Variants in LRP2 observed in about 807,000 individuals in gnomAD.
LRP2 encodes the protein low-density lipoprotein receptor-related protein 2.
A neutral mutation model predicts 531.0 loss-of-function variants in LRP2; 172 were observed. The observed-to-expected ratio is 0.32, with a 90% CI of 0.29 to 0.37. The LOEUF is 0.37. Among genes scored for constraint, LRP2 ranks in the 10% least tolerant of loss-of-function variants. LRP2 has a pLI of 1.00. For missense variants in LRP2, 5,167 were observed against 5,868.3 expected, an observed-to-expected ratio of 0.88 and a Z score of 3.90; for synonymous variants, 1,992 against 2,027.6, an observed-to-expected ratio of 0.98 and a Z score of 0.47.
Position 169,294,728 on chromosome 2 carries a change from A to G in LRP2, c.428-18T>C. ...TGGGTACTCTATTGTAAAAAAAAAAAAAAAAAAAAAAAGGAAAAGGAAACA... is the reference window on the plus strand; with the variant it reads ...TGGGTACTCTATTGTAAAAAAAAAAGAAAAAAAAAAAAGGAAAAGGAAACA... On this transcript the variant is annotated intron_variant, in intron 4 of 78. Transcript: ENST00000649046. The G allele has an allele frequency of 6.7e-7, 1 of 1,490,012 alleles. No homozygotes were observed. Among genetic ancestry groups the G allele is most frequent in the Non-Finnish European group, 9.3e-7 (1 of 1,081,064 alleles). The allele number at this position is 1,490,012 out of a possible 1,614,324, so 92.3% of individuals were successfully genotyped here.
intron 4 of LRP2, among the ~76,000 whole-genome samples, chr2:169,298,972 C>T (rs1048724407): frequency 4.6e-5 from 7 of 151,160 alleles, no homozygotes; most frequent in Admixed American, 2.6e-4. Flanking sequence ...AGAAGCATAT[C>T]CTTCCCCAGT....
In LRP2 at chr2:169,185,543, G is replaced by T; in HGVS notation, c.9805C>A (p.Leu3269Ile). 2 of 1,613,796 alleles carry T rather than the reference G, an allele frequency of 1.2e-6. No individual in the cohort carries two copies. Among genetic ancestry groups the T allele is most frequent in the Non-Finnish European group, 8.5e-7 (1 of 1,180,012 alleles). ...TNKETIINHR[L>I]PAAESLAVDW... ...ACAGCCAGACTTTCTGCAGCTGGTA[G>T]TCTGTGGTTTATGATTGTCTCCTTG... is the stretch of plus-strand genomic sequence containing the variant. Residue 3269 changes from leucine to isoleucine, a missense_variant, in exon 50 of 79, where the codon CTA (leucine) becomes ATA (isoleucine). Physicochemically the swap from Leu to Ile is conservative, Grantham distance 5. This residue lies in a region of LRP2 where 1,129 missense variants were observed against 1,362.7 expected (regional missense o/e 0.83). Transcript: ENST00000649046.
rs756145696 is a variant in LRP2 at position 169,137,499 on chromosome 2, G to T, written c.13519-6C>A. 6 of 1,523,680 alleles carry T rather than the reference G, an allele frequency of 3.9e-6. No homozygotes were observed. In the East Asian group the frequency reaches 1.1e-4, roughly 29 times the overall value. The allele number at this position is 1,523,680 out of a possible 1,614,324, so 94.4% of individuals were successfully genotyped here. On this transcript the variant is annotated splice_polypyrimidine_tract_variant and splice_region_variant and intron_variant, in intron 75 of 78. Coordinates refer to ENST00000649046, the MANE Select transcript of LRP2 (RefSeq NM_004525.3). ...TCCATGACAAAGTCTTCACTCTGAT[G>T]GCAGAGACAGAAAGAGAGAGAGAGA...
chr2:169,209,775 T>C (rs983650490), intron 37 of LRP2, 134 bp from the exon 38 acceptor site: 10 of 881,792 alleles, frequency 1.1e-5, no homozygotes, highest in Admixed American at 8.0e-5. Context: ...GAAACCCTTT[T>C]TTCCCAGTTG....
chr2:169,317,446 G>C (rs1181338348), intron 3 of LRP2, among the ~76,000 whole-genome samples: 1 of 152,152 alleles, frequency 6.6e-6, no homozygotes, highest in African/African-American at 2.4e-5. Flanking sequence ...TTTGAGACTT[G>C]AGCAGCTTTT....
intron 3 of LRP2, among the ~76,000 whole-genome samples, chr2:169,313,514 T>C (rs1011601058): frequency 4.6e-5 from 7 of 152,232 alleles, no homozygotes; most frequent in Admixed American, 2.6e-4. Context: ...CAGTGGAGTC[T>C]GCAGAACTGC....
chr2:169,245,656 C>T (rs1366373018), intron 21 of LRP2, among the ~76,000 whole-genome samples: 1 of 151,728 alleles, frequency 6.6e-6, no homozygotes, highest in Non-Finnish European at 1.5e-5. Context: ...TTATTAGGCC[C>T]CAAACTATAT....
intron 1 of LRP2, among the ~76,000 whole-genome samples, chr2:169,357,289 TTTTTATTTTATTTTATTTTA>T (rs148875655): frequency 2.1e-3 from 240 of 116,992 alleles, no homozygotes; most frequent in African/African-American, 4.4e-3. Flanking sequence ...TTTTTATTTA[TTTTTATTTTATTTTATTTTA>T]TTTTATTTTA....
intron 3 of LRP2, among the ~76,000 whole-genome samples, chr2:169,311,794 G>A (rs1301775877): frequency 3.9e-5 from 6 of 152,130 alleles, no homozygotes; most frequent in Non-Finnish European, 4.4e-5. Flanking sequence ...AATGTTGACA[G>A]TGGGGTGTTA....
chr2:169,350,710 C>T lies in LRP2; in HGVS notation c.79+11611G>A, dbSNP rs141346593. Among the ~76,000 whole-genome samples, 684 of 109,818 alleles carry T rather than the reference C, an allele frequency of 6.2e-3. 6 individuals carry two copies. The highest frequency in any genetic ancestry group is 0.024 in the African/African-American group (640 of 26,768). The allele number at this position is 109,818 out of a possible 152,430, so 72.0% of individuals were successfully genotyped here. On this transcript the variant is annotated intron_variant, in intron 1 of 78. Coordinates refer to ENST00000649046, the MANE Select transcript of LRP2 (RefSeq NM_004525.3). ...CTGCACTCCAGCCTGGGTGACAGAG[C>T]GAGACTCCATCGCAAAAAAAAAAAA... is the stretch of plus-strand genomic sequence containing the variant.
chr2:169,241,156 C>T lies in LRP2; in HGVS notation c.3877G>A (p.Asp1293Asn), dbSNP rs142627183. 7 of 1,614,184 alleles carry T rather than the reference C, an allele frequency of 4.3e-6. No homozygotes were observed. Among genetic ancestry groups the T allele is most frequent in the African/African-American group, 2.7e-5 (2 of 75,048 alleles). Residue 1293 changes from aspartate to asparagine, a missense_variant, in exon 25 of 79, where the codon GAC (aspartate) becomes AAC (asparagine). Physicochemically the swap from Asp to Asn is conservative, Grantham distance 23. Transcript: ENST00000649046. ...CIHRAWLCDR[D>N]NDCGDMSDEK... ...TCACTCATATCCCCGCAGTCATTGTCCCGATCACAGAGCCATGCCCTGTGG... is the reference window on the plus strand; with the variant it reads ...TCACTCATATCCCCGCAGTCATTGTTCCGATCACAGAGCCATGCCCTGTGG...
At chr2:169,160,690 A>AAAAAAAAAAAAAC (rs1553487434) in intron 63 of LRP2, among the ~76,000 whole-genome samples, 265 of 147,166 alleles carry the variant, frequency 1.8e-3, no homozygotes, top group African/African-American at 5.9e-3. Flanking sequence ...CTTAAAAAAA[A>AAAAAAAAAAAAAC]AAAAACCTGC....
chr2:169,243,549 C>T (rs1204701588), intron 22 of LRP2, 27 bp from the exon 23 acceptor site: 3 of 1,613,546 alleles, frequency 1.9e-6, no homozygotes, highest in South Asian at 2.2e-5. Flanking sequence ...ACAAAACCAA[C>T]AAGTTTATTT....
intron 42 of LRP2, among the ~76,000 whole-genome samples, chr2:169,203,432 ATCTT>A (rs1480423017): frequency 6.6e-6 from 1 of 152,208 alleles, no homozygotes; most frequent in Admixed American, 6.5e-5. Context: ...CAAGGCCTTC[ATCTT>A]TCTTTCTAAC....
intron 73 of LRP2, 43 bp from the exon 74 acceptor site, chr2:169,139,414 C>G: frequency 6.2e-7 from 1 of 1,614,104 alleles, no homozygotes; most frequent in Middle Eastern, 1.7e-4. Context: ...ACATGGGAGC[C>G]CGCAATCCTG....
rs914112728 is a variant in LRP2, at chr2:169,218,340, G to C, written c.5649-1910C>G. Among the ~76,000 whole-genome samples, 5 of 152,072 alleles carry C rather than the reference G, an allele frequency of 3.3e-5. No homozygotes were observed. The East Asian group carries it at 9.6e-4, about 29-fold the overall frequency. On this transcript the variant is annotated intron_variant, in intron 34 of 78. Coordinates refer to ENST00000649046, the MANE Select transcript of LRP2 (RefSeq NM_004525.3). Reference sequence around the variant, plus strand: ...ATATCTTAAAAGCTAGCTCTGCCCAGTGAAATTCTAGGTATGCTTTAAGAT... The same window carrying C: ...ATATCTTAAAAGCTAGCTCTGCCCACTGAAATTCTAGGTATGCTTTAAGAT...
chr2:169,361,350 G>C (rs7582071), intron 1 of LRP2, among the ~76,000 whole-genome samples: 1,718 of 21,630 alleles, frequency 0.079, 111 homozygotes, highest in African/African-American at 0.11. Context: ...GTCTCTCTCT[G>C]TCTCTCTCTC....
At chr2:169,240,336 C>T (rs548478278) in intron 25 of LRP2, among the ~76,000 whole-genome samples, 3 of 152,274 alleles carry the variant, frequency 2.0e-5, no homozygotes, top group African/African-American at 7.2e-5. Context: ...AGTTCACATG[C>T]CTGGGGATGC....
intron 1 of LRP2, 23 bp downstream of exon 1, chr2:169,362,298 A>T: frequency 6.5e-7 from 1 of 1,544,368 alleles, no homozygotes; most frequent in Non-Finnish European, 8.8e-7. Flanking sequence ...GGGCTCCACG[A>T]GAGGCTCTGG....
Sources: gnomAD v4.1 joint callset for allele counts (sites outside exome capture counted in the v4.1 genomes callset) on GRCh38, gnomAD v4.1.1 for gene constraint, gnomAD v4.1.1 regional missense constraint, MANE v1.5 for transcripts, NCBI Gene and HGNC (gene_info 2026-07-23, HGNC 2026-07-21) for gene names.